AGMO: variants seen among roughly 807,000 people sequenced by gnomAD.
AGMO encodes glyceryl-ether monooxygenase.
A neutral mutation model predicts 60.2 loss-of-function variants in AGMO; 75 were observed. The ratio of observed to expected loss-of-function variants is 1.25; its 90% CI spans 1.03 to 1.51. The LOEUF (loss-of-function observed/expected upper bound fraction) is 1.51. AGMO is among the 40% of genes most tolerant of loss of function. The pLI, the probability that AGMO is intolerant of heterozygous loss-of-function variation, is 0.00. For missense variants in AGMO, 763 were observed against 525.5 expected (o/e 1.45, Z -4.42); for synonymous variants, 261 against 177.1 (o/e 1.47, Z -3.76).
intron 3 of AGMO, among the ~76,000 whole-genome samples, chr7:15,457,980 C>A (rs1782042295): frequency 6.6e-6 from 1 of 152,072 alleles, no homozygotes; most frequent in Non-Finnish European, 1.5e-5. Flanking sequence ...AAAAACTATT[C>A]ATAACTAGGA....
chr7:15,185,474 G>A, the AGMO span, among the ~76,000 whole-genome samples: 2 of 152,196 alleles, frequency 1.3e-5, no homozygotes, highest in East Asian at 1.9e-4. Flanking sequence ...ATCCCTGAAC[G>A]TGCTTGACAT....
chr7:15,550,590 A>G (rs1349185048), intron 2 of AGMO, among the ~76,000 whole-genome samples: 2 of 151,780 alleles, frequency 1.3e-5, no homozygotes, highest in African/African-American at 4.8e-5. Flanking sequence ...ATTCCTTGAC[A>G]CATACACTCT....
At chr7:15,422,779 G>A (rs371690515) in intron 4 of AGMO, among the ~76,000 whole-genome samples, 3 of 152,098 alleles carry the variant, frequency 2.0e-5, no homozygotes, top group East Asian at 3.9e-4. Context: ...CCTGGTACAA[G>A]AGGAAGCCTG....
At chr7:15,479,825 T>C (rs931394509) in intron 3 of AGMO, among the ~76,000 whole-genome samples, 5 of 152,036 alleles carry the variant, frequency 3.3e-5, no homozygotes, top group African/African-American at 1.2e-4. Context: ...AAATAGATAG[T>C]TGCAAAAAGA....
rs1427748045 is a variant in AGMO, at chr7:15,387,426, G to A, written c.937C>T (p.Leu313Phe). 1.2e-6 allele frequency: 2 copies of A among 1,613,526 alleles called. No homozygotes were observed. The highest frequency in any genetic ancestry group is 1.7e-6 in the Non-Finnish European group (2 of 1,179,862). ...GWGPGKPRLG[L>F]SEEIPEVTGK... ...TTTACCTCTGGAATTTCTTCACTGAGACCAAGTCTTGGTTTACCTGGACCC... is the reference window on the plus strand; with the variant it reads ...TTTACCTCTGGAATTTCTTCACTGAAACCAAGTCTTGGTTTACCTGGACCC... Residue 313 changes from leucine to phenylalanine, a missense_variant, in exon 9 of 13, where the codon CTC becomes TTC. Transcript: ENST00000342526.
chr7:15,228,346 C>A (rs1782152139), intron 12 of AGMO, among the ~76,000 whole-genome samples: 2 of 152,028 alleles, frequency 1.3e-5, no homozygotes, highest in South Asian at 4.1e-4. Flanking sequence ...CTACAAGATT[C>A]ATAGAGCTCA....
chr7:15,263,681 A>G (rs1250563646), intron 12 of AGMO, among the ~76,000 whole-genome samples: 1 of 152,160 alleles, frequency 6.6e-6, no homozygotes, highest in African/African-American at 2.4e-5. Flanking sequence ...AATGCTCATC[A>G]ACCAATGAAG....
the AGMO span, among the ~76,000 whole-genome samples, chr7:15,135,422 C>T: frequency 1.3e-5 from 2 of 152,088 alleles, no homozygotes; most frequent in Non-Finnish European, 2.9e-5. Context: ...ATGACTGTAA[C>T]ATCTGCCATG....
At chr7:15,213,718 C>A (rs1478032402) in intron 12 of AGMO, among the ~76,000 whole-genome samples, 1 of 151,930 alleles carries the variant, frequency 6.6e-6, no homozygotes, top group Non-Finnish European at 1.5e-5. Flanking sequence ...AGCTTCCTGG[C>A]ACTCTGCTTC....
intron 4 of AGMO, among the ~76,000 whole-genome samples, chr7:15,423,074 T>C (rs1780967870): frequency 6.8e-6 from 1 of 146,908 alleles, no homozygotes; most frequent in African/African-American, 2.4e-5. Flanking sequence ...AAAAAGCTTT[T>C]GGACTCTAGA....
At chr7:15,327,205 T>C (rs544219882) in intron 12 of AGMO, among the ~76,000 whole-genome samples, 1 of 152,282 alleles carries the variant, frequency 6.6e-6, no homozygotes, top group Non-Finnish European at 1.5e-5. Flanking sequence ...AGAAATGTTT[T>C]TGGACTCATC....
chr7:15,219,040 A>C (rs562535649), intron 12 of AGMO, among the ~76,000 whole-genome samples: 1 of 152,306 alleles, frequency 6.6e-6, no homozygotes, highest in South Asian at 2.1e-4. Flanking sequence ...AGATAAGAGA[A>C]AGTATTGTAG....
intron 10 of AGMO, among the ~76,000 whole-genome samples, chr7:15,373,715 C>T (rs1366180156): frequency 6.6e-6 from 1 of 152,032 alleles, no homozygotes; most frequent in African/African-American, 2.4e-5. Context: ...TTTTTTTAAA[C>T]TTTATGCATT....
At chr7:15,497,471 T>C (rs1783263103) in intron 3 of AGMO, among the ~76,000 whole-genome samples, 1 of 151,992 alleles carries the variant, frequency 6.6e-6, no homozygotes, top group Non-Finnish European at 1.5e-5. Flanking sequence ...TAAATGGAGG[T>C]ACAAACATCA....
intron 12 of AGMO, among the ~76,000 whole-genome samples, chr7:15,288,196 T>A (rs916933793): frequency 2.0e-5 from 3 of 151,946 alleles, no homozygotes; most frequent in Admixed American, 6.6e-5. Flanking sequence ...GCTAATTTTT[T>A]TTATTATTAT....
intron 3 of AGMO, among the ~76,000 whole-genome samples, chr7:15,441,222 T>TCCTGTA (rs768805669): frequency 2.7e-4 from 41 of 152,322 alleles, no homozygotes; most frequent in Non-Finnish European, 4.6e-4. Flanking sequence ...GGAAAACCAG[T>TCCTGTA]CCTGTACATA....
intron 12 of AGMO, among the ~76,000 whole-genome samples, chr7:15,292,261 A>G (rs1784285689): frequency 6.6e-6 from 1 of 152,180 alleles, no homozygotes; most frequent in Non-Finnish European, 1.5e-5. Context: ...GCCCAACAGT[A>G]CTTTAGATCA....
intron 12 of AGMO, among the ~76,000 whole-genome samples, chr7:15,257,969 C>A (rs1783146525): frequency 6.6e-6 from 1 of 152,130 alleles, no homozygotes; most frequent in South Asian, 2.1e-4. Flanking sequence ...TTAACCAAAA[C>A]CGCATTTTCA....
chr7:15,384,817 C>CTTTTTTTTTTTT (rs71953359), intron 10 of AGMO, among the ~76,000 whole-genome samples: 8 of 121,292 alleles, frequency 6.6e-5, no homozygotes, highest in East Asian at 4.7e-4. Flanking sequence ...CTGTTTTTCT[C>CTTTTTTTTTTTT]TTTTTTTTTT....
Sources: gnomAD v4.1 joint callset for allele counts (sites outside exome capture counted in the v4.1 genomes callset) on GRCh38, gnomAD v4.1.1 for gene constraint, MANE v1.5 for transcripts, NCBI Gene and HGNC (gene_info 2026-07-23, HGNC 2026-07-21) for gene names.